Variants in MSH3 observed in about 807,000 individuals in gnomAD.
MSH3 encodes mutS homolog 3.
MSH3 carries 106 observed loss-of-function variants against 123.3 expected under a neutral mutation model. That is an observed-to-expected ratio of 0.86 (90% CI 0.73 to 1.01). The LOEUF is 1.01. MSH3 is among the 50% of genes least tolerant of loss of function. MSH3 has a pLI of 0.00. For synonymous variants in MSH3, 515 were observed against 481.4 expected, an observed-to-expected ratio of 1.07 and a Z score of -0.91; for missense variants, 1,459 against 1,347.6, an observed-to-expected ratio of 1.08 and a Z score of -1.29.
At position 80,665,329 on chromosome 5, in the gene MSH3, C is replaced by T. The variant is rs769878887; in HGVS notation, c.545C>T (p.Ser182Phe). The change falls in exon 3 of 24, where the codon TCT becomes TTT. Residue 182 changes from serine to phenylalanine, a missense_variant. Coordinates refer to ENST00000265081, the MANE Select transcript of MSH3 (RefSeq NM_002439.5). ...CTTCTACACGCAAAGAATGCAGTTT[C>T]TTCTGAAGATTCGAAACGTCAAATT... ...ISLLHAKNAV[S>F]SEDSKRQINQ... The T allele has an allele frequency of 6.2e-7, 1 of 1,613,152 alleles. No homozygotes were observed. The highest frequency in any genetic ancestry group is 1.7e-5 in the Admixed American group (1 of 60,016).
chr5:80,822,087 G>A (rs1745212345), intron 20 of MSH3, among the ~76,000 whole-genome samples: 1 of 152,166 alleles, frequency 6.6e-6, no homozygotes, highest in Non-Finnish European at 1.5e-5. Context: ...CAAAATGTGA[G>A]TAAACCGGCT....
chr5:80,857,362 T>C (rs1375224905), intron 21 of MSH3, among the ~76,000 whole-genome samples: 2 of 152,236 alleles, frequency 1.3e-5, no homozygotes, highest in East Asian at 1.9e-4. Context: ...AGTTTTCTTA[T>C]AATGTCTTTG....
chr5:80,663,302 G>A (rs1275386132), intron 2 of MSH3, among the ~76,000 whole-genome samples: 5 of 152,220 alleles, frequency 3.3e-5, no homozygotes, highest in African/African-American at 1.2e-4. Context: ...ACAGCAGGTT[G>A]TTTTAGCAGC....
rs187689538 is a variant in MSH3 at position 80,680,231 on chromosome 5, G to T, written c.1340+1138G>T. 3.8e-3 allele frequency among the ~76,000 whole-genome samples: 576 copies of T among 151,614 alleles called. 4 individuals carry two copies. The highest frequency in any genetic ancestry group is 0.013 in the African/African-American group (537 of 41,310). On this transcript the variant is annotated intron_variant, in intron 8 of 23. Transcript: ENST00000265081. The stretch of plus-strand genomic sequence containing the variant: ...GCCAAGATCACACCACTTCACTCCA[G>T]CCTGGGCGAAAGAGCAAGACTCTTA...
chr5:80,848,497 G>C (rs1745763745), intron 20 of MSH3, among the ~76,000 whole-genome samples: 1 of 152,158 alleles, frequency 6.6e-6, no homozygotes, highest in South Asian at 2.1e-4. Context: ...CCGAGACTGG[G>C]CAATTTACAA....
chr5:80,727,909 G>A (rs1231201247), intron 9 of MSH3, among the ~76,000 whole-genome samples: 1 of 152,022 alleles, frequency 6.6e-6, no homozygotes, highest in Non-Finnish European at 1.5e-5. Flanking sequence ...GAGACTGAAG[G>A]AGTTAAGGAA....
chr5:80,834,624 TTAAA>T (rs1271977033), intron 20 of MSH3, among the ~76,000 whole-genome samples: 2 of 91,688 alleles, frequency 2.2e-5, no homozygotes, highest in Non-Finnish European at 4.7e-5. Flanking sequence ...TATTTTTAGT[TTAAA>T]TACTTAATAA....
intron 19 of MSH3, among the ~76,000 whole-genome samples, chr5:80,810,168 C>CATATAT (rs1461060092): frequency 3.1e-5 from 1 of 32,036 alleles, no homozygotes; most frequent in Non-Finnish European, 6.4e-5. Context: ...TTTTGTTTGA[C>CATATAT]ATACATATAT....
chr5:80,865,759 C>T (rs1455514464), intron 22 of MSH3, among the ~76,000 whole-genome samples: 1 of 152,064 alleles, frequency 6.6e-6, no homozygotes, highest in East Asian at 1.9e-4. Flanking sequence ...ATCCATCATG[C>T]AAGATACCCC....
intron 6 of MSH3, among the ~76,000 whole-genome samples, chr5:80,673,969 A>G (rs768660230): frequency 5.9e-5 from 9 of 152,186 alleles, no homozygotes; most frequent in Non-Finnish European, 1.0e-4. Context: ...GTTATGGTTT[A>G]TTACAGATCT....
At position 80,761,535 on chromosome 5, in the gene MSH3, T is replaced by G; in HGVS notation, c.1764-11T>G. The G allele has an allele frequency of 6.2e-7, 1 of 1,603,804 alleles. No homozygotes were observed. The highest frequency in any genetic ancestry group is 2.2e-5 in the East Asian group (1 of 44,872). On this transcript the variant is annotated splice_polypyrimidine_tract_variant and intron_variant, in intron 12 of 23. Transcript: ENST00000265081. ...ACATATCTGATTATTGCTATTACTC[T>G]TTTCTCACAGGGAAATAAATGCCCG...
At position 80,854,222 on chromosome 5, in the gene MSH3, A is replaced by T. The variant is rs1745878627; in HGVS notation, c.2906A>T (p.Gln969Leu). Residue 969 changes from glutamine (Q) to leucine (L), a missense_variant, in exon 21 of 24, where the codon CAG (glutamine) becomes CTG (leucine). By Grantham distance (113) the Gln-to-Leu change is moderately radical. Transcript: ENST00000265081. ...TAEIIRKATSQSLVILDELGR... is the reference protein window; with the variant it reads ...TAEIIRKATSLSLVILDELGR... ...GAAATAATCAGAAAAGCAACATCAC[A>T]GTCCTTGGTTATCTTGGATGAACTA... The T allele has an allele frequency of 6.2e-7, 1 of 1,613,960 alleles. No individual in the cohort carries two copies. The highest frequency in any genetic ancestry group is 2.2e-5 in the East Asian group (1 of 44,854).
chr5:80,823,588 C>T (rs544809229), intron 20 of MSH3, among the ~76,000 whole-genome samples: 7 of 151,402 alleles, frequency 4.6e-5, no homozygotes, highest in Non-Finnish European at 8.8e-5. Flanking sequence ...AAACACTGCT[C>T]ATATGGCACT....
intron 20 of MSH3, among the ~76,000 whole-genome samples, chr5:80,849,948 T>G (rs1745801228): frequency 6.6e-6 from 1 of 152,160 alleles, no homozygotes; most frequent in African/African-American, 2.4e-5. Context: ...ATACTCTGTT[T>G]CCATTATAAA....
At chr5:80,828,120 A>G (rs1745353469) in intron 20 of MSH3, among the ~76,000 whole-genome samples, 1 of 152,182 alleles carries the variant, frequency 6.6e-6, no homozygotes, top group African/African-American at 2.4e-5. Flanking sequence ...TTGATAAACA[A>G]AGTAAATTTA....
At chr5:80,808,190 A>G (rs1744932614) in intron 19 of MSH3, among the ~76,000 whole-genome samples, 3 of 152,150 alleles carry the variant, frequency 2.0e-5, no homozygotes, top group Admixed American at 6.5e-5. Context: ...TTGATCTTAA[A>G]TCTAGCCATT....
chr5:80,867,589 T>A (rs1424263217), intron 22 of MSH3, among the ~76,000 whole-genome samples: 1 of 152,206 alleles, frequency 6.6e-6, no homozygotes, highest in East Asian at 1.9e-4. Flanking sequence ...AGTTAATTCC[T>A]TATAAAATCA....
chr5:80,744,833 C>T (rs377242940), intron 12 of MSH3, among the ~76,000 whole-genome samples: 4 of 152,174 alleles, frequency 2.6e-5, no homozygotes, highest in African/African-American at 9.6e-5. Flanking sequence ...AGACATAGGG[C>T]GTTGTCCCAG....
intron 19 of MSH3, among the ~76,000 whole-genome samples, chr5:80,800,022 A>C (rs1003549758): frequency 6.6e-6 from 1 of 152,182 alleles, no homozygotes; most frequent in African/African-American, 2.4e-5. Context: ...TCTATGTGGA[A>C]GTTGCTTAGT....
Sources: allele counts gnomAD v4.1 joint callset (sites outside exome capture counted in the v4.1 genomes callset), GRCh38; gene constraint gnomAD v4.1.1; transcripts MANE v1.5; gene names NCBI Gene and HGNC (gene_info 2026-07-23, HGNC 2026-07-21).